CSE1L: variants seen among roughly 807,000 people sequenced by gnomAD.
CSE1L encodes chromosome segregation 1 like.
CSE1L carries 24 observed loss-of-function variants against 120.4 expected under a neutral mutation model. The ratio of observed to expected loss-of-function variants is 0.20; its 90% CI spans 0.14 to 0.28. The LOEUF (loss-of-function observed/expected upper bound fraction) is 0.28, where lower values mean the gene tolerates loss of function less well. CSE1L is among the 10% of genes least tolerant of loss of function. The probability of loss-of-function intolerance (pLI) is 1.00; values close to 1 mark genes in which losing one functional copy is unlikely to be tolerated. For synonymous variants in CSE1L, 402 were observed against 398.3 expected (o/e 1.01, Z -0.11); for missense variants, 830 against 1,145.2 (o/e 0.72, Z 3.97).
intron 7 of CSE1L, among the ~76,000 whole-genome samples, chr20:49,069,157 A>G (rs1488868368): frequency 2.0e-5 from 3 of 152,150 alleles, no homozygotes; most frequent in Admixed American, 6.6e-5. Context: ...TTATATGGGT[A>G]TTAACATTTG....
Position 49,094,120 on chromosome 20 carries a change from G to T in CSE1L, c.2448-20G>T. ...TATAGTGATAATCTAATATTAAGTT[G>T]ATTTATTTTGCTTTAATAGAATGTT... On this transcript the variant is annotated intron_variant, in intron 22 of 24. Coordinates refer to ENST00000262982, the MANE Select transcript of CSE1L (RefSeq NM_001316.4). 7.2e-7 allele frequency: 1 copy of T among 1,393,324 alleles called. No homozygotes were observed. Among genetic ancestry groups the T allele is most frequent in the South Asian group, 1.3e-5 (1 of 79,862 alleles). 86.3% of individuals were successfully genotyped at this position (1,393,324 alleles called of 1,614,324 possible).
intron 1 of CSE1L, among the ~76,000 whole-genome samples, chr20:49,046,635 C>G (rs182735306): frequency 6.6e-6 from 1 of 152,248 alleles, no homozygotes; most frequent in African/African-American, 2.4e-5. Context: ...CATCCTAGGT[C>G]TCTGGCCCAG....
intron 19 of CSE1L, among the ~76,000 whole-genome samples, chr20:49,090,427 G>T (rs1335036578): frequency 6.6e-6 from 1 of 152,174 alleles, no homozygotes; most frequent in South Asian, 2.1e-4. Flanking sequence ...GTGGTGGCAC[G>T]TGCCTGTAAT....
intron 8 of CSE1L, among the ~76,000 whole-genome samples, chr20:49,071,265 T>A (rs1221643351): frequency 6.6e-6 from 1 of 152,176 alleles, no homozygotes; most frequent in Non-Finnish European, 1.5e-5. Flanking sequence ...ATAGGAACTT[T>A]AAAAGATGTA....
chr20:49,071,465 T>G (rs2091930929), intron 8 of CSE1L, among the ~76,000 whole-genome samples: 1 of 152,144 alleles, frequency 6.6e-6, no homozygotes, highest in Non-Finnish European at 1.5e-5. Context: ...TGAGGGAGTT[T>G]TGGTTTTGGC....
rs375000731 is a variant in CSE1L at position 49,089,741 on chromosome 20, A to C, written c.2176A>C (p.Lys726Gln). 1.4e-5 allele frequency: 22 copies of C among 1,613,892 alleles called. No individual in the cohort carries two copies. The highest frequency in any genetic ancestry group is 1.7e-5 in the Non-Finnish European group (20 of 1,179,874). ...CACAATAGCAAGTGCTGCAGCTGAC[A>C]AAATTGTGCGTCAGGTTTTGATATA... ...SNTIASAAAD[K>Q]IPGLLGVFQK... The change falls in exon 19 of 25, where the codon AAA becomes CAA. Residue 726 changes from lysine (K) to glutamine (Q), a missense_variant. Around this residue, in one of 4 missense-constraint regions of CSE1L, gnomAD observed 168 missense variants for 267.9 expected, o/e 0.63. Transcript: ENST00000262982.
chr20:49,065,585 A>ATTTTTTTT (rs1568769284), intron 3 of CSE1L, among the ~76,000 whole-genome samples: 5 of 77,328 alleles, frequency 6.5e-5, no homozygotes, highest in East Asian at 1.2e-3. Context: ...CTAAAATGGA[A>ATTTTTTTT]ATTTTTTTTT....
chr20:49,083,414 G>C (rs973411863), intron 14 of CSE1L, among the ~76,000 whole-genome samples: 1 of 152,104 alleles, frequency 6.6e-6, no homozygotes, highest in Non-Finnish European at 1.5e-5. Context: ...TCACTACCAT[G>C]CCCAGCTAAT....
intron 17 of CSE1L, 102 bp from the exon 18 acceptor site, chr20:49,089,145 A>C (rs1473626618): frequency 2.2e-5 from 24 of 1,074,428 alleles, no homozygotes; most frequent in Non-Finnish European, 1.3e-6. Context: ...TTTTTTCTTA[A>C]TTTTGATTTT....
At chr20:49,058,008 C>T (rs1179820831) in intron 1 of CSE1L, among the ~76,000 whole-genome samples, 1 of 151,906 alleles carries the variant, frequency 6.6e-6, no homozygotes, top group Non-Finnish European at 1.5e-5. Context: ...TGAGCTCAAG[C>T]AGTCCACCCA....
At chr20:49,065,229 A>G (rs1339301549) in intron 3 of CSE1L, among the ~76,000 whole-genome samples, 7 of 149,900 alleles carry the variant, frequency 4.7e-5, no homozygotes, top group Non-Finnish European at 1.0e-4. Flanking sequence ...GAAGCTTTTG[A>G]GGATGTGTAT....
intron 2 of CSE1L, among the ~76,000 whole-genome samples, chr20:49,059,157 G>T (rs1314700317): frequency 2.0e-5 from 3 of 151,602 alleles, no homozygotes; most frequent in Non-Finnish European, 4.4e-5. Flanking sequence ...CTGCTTTAGA[G>T]ATAAAATAAT....
At chr20:49,056,335 C>T (rs544743702) in intron 1 of CSE1L, among the ~76,000 whole-genome samples, 2 of 152,220 alleles carry the variant, frequency 1.3e-5, no homozygotes, top group Admixed American at 1.3e-4. Context: ...AACTCCTGAC[C>T]TCAGGTGATC....
chr20:49,076,520 CTTTTTT>C (rs35713931), intron 12 of CSE1L, among the ~76,000 whole-genome samples: 4,426 of 79,348 alleles, frequency 0.056, 130 homozygotes, highest in South Asian at 0.12. Context: ...CCCTCTCTCT[CTTTTTT>C]TTTTTTTTTT....
Position 49,094,184 on chromosome 20 carries a change from A to T in CSE1L, c.2492A>T (p.Gln831Leu). 6.3e-7 allele frequency: 1 copy of T among 1,594,870 alleles called. No homozygotes were observed. Among genetic ancestry groups the T allele is most frequent in the Non-Finnish European group, 8.6e-7 (1 of 1,166,852 alleles). ...GAAAAAATTATTATTCCTGAAATTC[A>T]GAAGGTATCTGGAAATGTAGAGAAA... ...VLEKIIIPEI[Q>L]KVSGNVEKKI... is the part of the protein sequence containing the mutation. Residue 831 changes from glutamine to leucine, a missense_variant, in exon 23 of 25, where the codon CAG becomes CTG. This residue lies in a region of CSE1L where 112 missense variants were observed against 200.0 expected (regional missense o/e 0.56). Transcript: ENST00000262982.
chr20:49,054,140 C>T (rs1480077542), intron 1 of CSE1L, among the ~76,000 whole-genome samples: 2 of 152,266 alleles, frequency 1.3e-5, no homozygotes, highest in East Asian at 3.9e-4. Context: ...GATTTTCACA[C>T]CTATAGAGTG....
intron 16 of CSE1L, 78 bp from the exon 17 acceptor site, chr20:49,087,931 C>A: frequency 1.1e-6 from 1 of 943,806 alleles, no homozygotes; most frequent in Non-Finnish European, 1.6e-6. Context: ...AATTAGTGCG[C>A]TTTTTTCCCC....
At chr20:49,085,589 T>TTTTTTTTTTTTTTG (rs11474758) in intron 16 of CSE1L, among the ~76,000 whole-genome samples, 1 of 138,668 alleles carries the variant, frequency 7.2e-6, no homozygotes, top group Non-Finnish European at 1.6e-5. Flanking sequence ...TTTTTTTTTT[T>TTTTTTTTTTTTTTG]GAGATGGAGC....
chr20:49,066,253 T>C lies in CSE1L; in HGVS notation c.290T>C (p.Val97Ala). 3 of 1,614,248 alleles carry C rather than the reference T, an allele frequency of 1.9e-6. No individual in the cohort carries two copies. Among genetic ancestry groups the C allele is most frequent in the Non-Finnish European group, 2.5e-6 (3 of 1,180,032 alleles). ...ADRVAIKANI[V>A]HLMLSSPEQI... ...CGAGTGGCCATTAAAGCCAACATAG[T>C]GCACTTGATGCTTAGCAGCCCAGAG... Residue 97 changes from valine (V) to alanine (A), a missense_variant, in exon 4 of 25, where the codon GTG (valine) becomes GCG (alanine). Around this residue, in one of 4 missense-constraint regions of CSE1L, gnomAD observed 543 missense variants for 640.2 expected, o/e 0.85. Coordinates refer to ENST00000262982, the MANE Select transcript of CSE1L (RefSeq NM_001316.4).
Sources: allele counts gnomAD v4.1 joint callset (sites outside exome capture counted in the v4.1 genomes callset), GRCh38; gene constraint gnomAD v4.1.1; regional missense constraint gnomAD v4.1.1; transcripts MANE v1.5; gene names NCBI Gene and HGNC (gene_info 2026-07-23, HGNC 2026-07-21).